TMEM117: variants seen among roughly 807,000 people sequenced by gnomAD.
The protein encoded by TMEM117 is transmembrane protein 117.
Under a neutral mutation model 52.4 loss-of-function variants are expected in TMEM117, and 27 were observed. That is an observed-to-expected ratio of 0.51 (90% CI 0.38 to 0.71). The LOEUF (loss-of-function observed/expected upper bound fraction) is 0.71. TMEM117 is among the 30% of genes least tolerant of loss of function. TMEM117 has a pLI of 0.00. For synonymous variants in TMEM117, 215 were observed against 206.3 expected (o/e 1.04, Z -0.36); for missense variants, 556 against 630.5 (o/e 0.88, Z 1.26).
intron 6 of TMEM117, among the ~76,000 whole-genome samples, chr12:44,375,201 T>C (rs928859208): frequency 3.9e-5 from 6 of 152,182 alleles, no homozygotes; most frequent in African/African-American, 1.4e-4. Flanking sequence ...ATATTTTAGA[T>C]CAAAATGTGC....
intron 4 of TMEM117, among the ~76,000 whole-genome samples, chr12:44,171,703 T>C (rs1388855734): frequency 6.6e-6 from 1 of 152,166 alleles, no homozygotes; most frequent in Non-Finnish European, 1.5e-5. Flanking sequence ...AATTACCCCA[T>C]CTAAGTTAGA....
At chr12:44,180,679 G>A (rs1315007072) in intron 4 of TMEM117, among the ~76,000 whole-genome samples, 4 of 151,906 alleles carry the variant, frequency 2.6e-5, no homozygotes, top group Non-Finnish European at 5.9e-5. Context: ...CAAAGGACAT[G>A]AACTCATCAT....
intron 2 of TMEM117, among the ~76,000 whole-genome samples, chr12:43,933,997 AT>A (rs1449694825): frequency 6.6e-6 from 1 of 152,216 alleles, no homozygotes; most frequent in Non-Finnish European, 1.5e-5. Flanking sequence ...TTTTAAACCT[AT>A]TATAGCTAGT....
intron 3 of TMEM117, among the ~76,000 whole-genome samples, chr12:44,051,917 CATG>C (rs1946979676): frequency 6.6e-6 from 1 of 152,200 alleles, no homozygotes; most frequent in South Asian, 2.1e-4. Context: ...GGCAAGTCAA[CATG>C]ATGCATTAAA....
At chr12:43,830,305 C>A in the TMEM117 span, among the ~76,000 whole-genome samples, 2 of 151,880 alleles carry the variant, frequency 1.3e-5, no homozygotes, top group African/African-American at 4.8e-5. Flanking sequence ...TGCATGACTC[C>A]TTTGCTTTGA....
intron 5 of TMEM117, chr12:44,248,290 A>T (rs1176975742): frequency 6.6e-6 from 1 of 152,232 alleles, no homozygotes; most frequent in East Asian, 1.9e-4. Context: ...AACATGAATG[A>T]TGCTTCCTGG....
chr12:44,240,553 G>T (rs1051412382), intron 5 of TMEM117, among the ~76,000 whole-genome samples: 1 of 151,918 alleles, frequency 6.6e-6, no homozygotes, highest in Non-Finnish European at 1.5e-5. Context: ...AGAAACTGTG[G>T]CTAATTTCTT....
At chr12:44,012,680 A>T (rs1056622621) in intron 3 of TMEM117, among the ~76,000 whole-genome samples, 58 of 152,068 alleles carry the variant, frequency 3.8e-4, no homozygotes, top group Non-Finnish European at 1.0e-4. Context: ...TTAGAATTTC[A>T]TCTTTCTGCT....
intron 3 of TMEM117, among the ~76,000 whole-genome samples, chr12:43,977,249 C>T (rs925363549): frequency 4.0e-5 from 6 of 151,896 alleles, no homozygotes; most frequent in Non-Finnish European, 7.4e-5. Context: ...GAGTTGTCTT[C>T]TTCAGCATTT....
At chr12:44,319,223 C>T (rs1223445402) in intron 6 of TMEM117, among the ~76,000 whole-genome samples, 1 of 152,184 alleles carries the variant, frequency 6.6e-6, no homozygotes, top group Non-Finnish European at 1.5e-5. Context: ...TTTGTATGCA[C>T]CTGGATTAAA....
the TMEM117 span, chr12:43,806,403 C>A: frequency 1.2e-5 from 14 of 1,156,234 alleles, no homozygotes; most frequent in Non-Finnish European, 1.5e-5. Context: ...GCCCGAGCGT[C>A]CCCGCCGCCC....
chr12:44,141,240 A>G (rs999906571), intron 3 of TMEM117, among the ~76,000 whole-genome samples: 1 of 152,078 alleles, frequency 6.6e-6, no homozygotes, highest in Non-Finnish European at 1.5e-5. Flanking sequence ...TTGCATTTTT[A>G]AAAAACTTTT....
At chr12:43,867,841 C>T (rs934586888) in intron 2 of TMEM117, among the ~76,000 whole-genome samples, 4 of 152,176 alleles carry the variant, frequency 2.6e-5, no homozygotes, top group African/African-American at 7.2e-5. Context: ...AATTTATTGT[C>T]CTTCTCTTAC....
chr12:44,096,181 G>T (rs1488128473), intron 3 of TMEM117, among the ~76,000 whole-genome samples: 2 of 152,110 alleles, frequency 1.3e-5, no homozygotes, highest in Non-Finnish European at 2.9e-5. Context: ...TCTTCAAGGA[G>T]AACTACAAAC....
chr12:43,863,102 T>C (rs911768704), intron 2 of TMEM117, among the ~76,000 whole-genome samples: 5 of 152,012 alleles, frequency 3.3e-5, no homozygotes, highest in Admixed American at 1.3e-4. Context: ...GAAAATCAGC[T>C]GGGCATGGTG....
At chr12:44,343,160 C>T (rs1238124954) in intron 6 of TMEM117, among the ~76,000 whole-genome samples, 2 of 151,670 alleles carry the variant, frequency 1.3e-5, no homozygotes, top group Non-Finnish European at 2.9e-5. Context: ...GCCATGTTGG[C>T]CAGGCTGGTT....
At position 44,316,019 on chromosome 12, in the gene TMEM117, A is replaced by G. The variant is rs1423373101; in HGVS notation, c.768+16280A>G. On this transcript the variant is annotated intron_variant, in intron 6 of 7. Coordinates refer to ENST00000266534, the MANE Select transcript of TMEM117 (RefSeq NM_032256.3). ...AGACAGGAGACAGACTTTTTAATCC[A>G]GTTTACCACTCTCTGTGTCTTCTTA... is the stretch of plus-strand genomic sequence containing the variant. Among the ~76,000 whole-genome samples, 3 of 152,236 alleles carry G rather than the reference A, an allele frequency of 2.0e-5. No homozygotes were observed. The East Asian group carries it at 5.8e-4, about 29-fold the overall frequency.
At chr12:44,228,649 G>T (rs905448087) in intron 5 of TMEM117, among the ~76,000 whole-genome samples, 1 of 152,124 alleles carries the variant, frequency 6.6e-6, no homozygotes, top group Non-Finnish European at 1.5e-5. Context: ...CTGAATGACT[G>T]GAAGGAATGA....
intron 5 of TMEM117, among the ~76,000 whole-genome samples, chr12:44,234,940 A>G (rs916004308): frequency 1.2e-4 from 18 of 151,516 alleles, no homozygotes; most frequent in African/African-American, 3.9e-4. Context: ...CATGTTTTCT[A>G]TGTATCCATT....
Sources: gnomAD v4.1 joint callset for allele counts (sites outside exome capture counted in the v4.1 genomes callset) on GRCh38, gnomAD v4.1.1 for gene constraint, MANE v1.5 for transcripts, NCBI Gene and HGNC (gene_info 2026-07-23, HGNC 2026-07-21) for gene names.